The following CCS variants were observed in gnomAD, a reference collection of about 807,000 sequenced individuals.
CCS encodes the protein superoxide dismutase copper chaperone.
Under a neutral mutation model 35.5 loss-of-function variants are expected in CCS, and 32 were observed. The ratio of observed to expected loss-of-function variants is 0.90; its 90% CI spans 0.68 to 1.21. The LOEUF (loss-of-function observed/expected upper bound fraction) is 1.21, where lower values mean the gene tolerates loss of function less well. Ranked by LOEUF, CCS falls within the 50% of genes most tolerant of loss-of-function variation. The pLI is 0.00. For synonymous variants in CCS, 130 were observed against 147.2 expected (o/e 0.88, Z 0.84); for missense variants, 342 against 375.4 (o/e 0.91, Z 0.73).
intron 5 of CCS, among the ~76,000 whole-genome samples, chr11:66,603,710 G>A (rs746273761): frequency 4.6e-5 from 7 of 152,208 alleles, no homozygotes; most frequent in Non-Finnish European, 8.8e-5. Context: ...GCCAGGCGTG[G>A]TGGCGGGCGC....
Position 66,605,962 on chromosome 11 carries a change from A to C in CCS, c.*107A>C. 5 of 1,200,526 alleles carry C rather than the reference A, an allele frequency of 4.2e-6. No homozygotes were observed. The highest frequency in any genetic ancestry group is 5.5e-6 in the Non-Finnish European group (5 of 904,754). 74.4% of individuals were successfully genotyped at this position (1,200,526 alleles called of 1,614,324 possible). ...GCCCAGTCTTTGGAGAGCTCAGTAC[A>C]GGGCAGGAGCTGCTGTGGTGTTCCC... On this transcript the variant is annotated 3_prime_UTR_variant, in exon 8 of 8. Coordinates refer to ENST00000533244, the MANE Select transcript of CCS (RefSeq NM_005125.2).
chr11:66,595,774 T>G (rs1858467380), intron 2 of CCS, among the ~76,000 whole-genome samples: 1 of 152,160 alleles, frequency 6.6e-6, no homozygotes, highest in Non-Finnish European at 1.5e-5. Context: ...ACTGAATGGC[T>G]GCTTGGCTAA....
chr11:66,599,087 G>C (rs1429169475), intron 2 of CCS, 29 bp from the exon 3 acceptor site: 2 of 1,614,006 alleles, frequency 1.2e-6, no homozygotes, highest in South Asian at 2.2e-5. Flanking sequence ...GCCAGCCTCT[G>C]TTGCCCTCTT....
chr11:66,605,381 C>T lies in CCS; in HGVS notation c.532C>T (p.Arg178Cys), dbSNP rs140863701. ...CAATGTCCGTGCTGATGCTGACGGC[C>T]GCGCCATCTTCAGAATGGAGGATGA... ...LGNVRADADGRAIFRMEDEQL... is the reference protein window; with the variant it reads ...LGNVRADADGCAIFRMEDEQL... The change falls in exon 6 of 8, where the codon CGC (arginine) becomes TGC (cysteine). Residue 178 changes from arginine (R) to cysteine (C), a missense_variant. Transcript: ENST00000533244. The T allele has an allele frequency of 1.9e-5, 31 of 1,614,028 alleles. No homozygotes were observed. Among genetic ancestry groups the T allele is most frequent in the African/African-American group, 4.0e-5 (3 of 74,912 alleles).
chr11:66,599,882 G>C, intron 4 of CCS: 1 of 407,232 alleles, frequency 2.5e-6, no homozygotes, highest in Non-Finnish European at 4.4e-6. Context: ...TTGGGAGGCT[G>C]AGGTGGGCGG....
chr11:66,599,271 C>A lies in CCS; in HGVS notation c.250+18C>A. 6.3e-7 allele frequency: 1 copy of A among 1,575,654 alleles called. No homozygotes were observed. The highest frequency in any genetic ancestry group is 1.2e-5 in the South Asian group (1 of 86,494). ...CCAGTTGCGTGAGTGACCACTGTGG[C>A]CTTGGCCCCTCTCGGAGGGAGGTGG... On this transcript the variant is annotated intron_variant, in intron 3 of 7. Transcript: ENST00000533244.
At chr11:66,604,282 TC>T (rs1177459201) in intron 5 of CCS, among the ~76,000 whole-genome samples, 1 of 151,928 alleles carries the variant, frequency 6.6e-6, no homozygotes, top group Non-Finnish European at 1.5e-5. Flanking sequence ...CTGTATCCCC[TC>T]CCCCTTCTTG....
chr11:66,601,814 A>C (rs1590830718), intron 5 of CCS, among the ~76,000 whole-genome samples: 1 of 150,030 alleles, frequency 6.7e-6, no homozygotes. Flanking sequence ...GCTTGAGCAG[A>C]CCTCCCTCCT....
chr11:66,605,662 C>A, intron 7 of CCS, 40 bp from the exon 8 acceptor site: 1 of 1,578,582 alleles, frequency 6.3e-7, no homozygotes, highest in Non-Finnish European at 8.6e-7. Context: ...GGGGTGGGGG[C>A]CAAACAGGTA....
chr11:66,593,494 C>T, intron 1 of CCS, 148 bp from the exon 2 acceptor site: 2 of 959,260 alleles, frequency 2.1e-6, no homozygotes, highest in Non-Finnish European at 3.2e-6. Context: ...CTGGAATGGT[C>T]ATGAGAGATC....
At chr11:66,594,824 G>A (rs1309035037) in intron 2 of CCS, among the ~76,000 whole-genome samples, 1 of 151,936 alleles carries the variant, frequency 6.6e-6, no homozygotes, top group African/African-American at 2.4e-5. Context: ...GGCAGGTATG[G>A]ACCAGACACT....
chr11:66,596,581 C>T (rs573512225), intron 2 of CCS, among the ~76,000 whole-genome samples: 4 of 151,840 alleles, frequency 2.6e-5, no homozygotes, highest in Non-Finnish European at 5.9e-5. Context: ...GGGGTTTCAC[C>T]GTGTTAGCCA....
At chr11:66,595,379 G>C (rs74720222) in intron 2 of CCS, among the ~76,000 whole-genome samples, 2,172 of 152,222 alleles carry the variant, frequency 0.014, 57 homozygotes, top group African/African-American at 0.049. Flanking sequence ...ACTTGCTTGC[G>C]AGGAGAGCAG....
At chr11:66,602,883 G>A (rs1055885467) in intron 5 of CCS, among the ~76,000 whole-genome samples, 7 of 152,234 alleles carry the variant, frequency 4.6e-5, no homozygotes, top group Non-Finnish European at 1.0e-4. Context: ...AGTTGCTGTT[G>A]GGTTTTAGCA....
chr11:66,593,514 G>T, intron 1 of CCS, 128 bp from the exon 2 acceptor site: 1 of 1,035,552 alleles, frequency 9.7e-7, no homozygotes, highest in South Asian at 1.5e-5. Flanking sequence ...CATGAAGAAG[G>T]TGCTTGAAGA....
rs1333093133 is a variant in CCS, at chr11:66,593,201, C to G, written c.-61C>G. 1.2e-5 allele frequency: 18 copies of G among 1,535,920 alleles called. No homozygotes were observed. In the Admixed American group the frequency reaches 2.8e-4, roughly 24 times the overall value. On this transcript the variant is annotated 5_prime_UTR_variant, in exon 1 of 8. Transcript: ENST00000533244. ...TAGAGGCTCAGTCCCCGCGACGCCG[C>G]GCTGGTTGGTGCTCCTGCGCCGGAG...
Position 66,599,641 on chromosome 11 carries a change from G to A in CCS, c.428+5G>A, listed in dbSNP as rs1185039322. ...CCTTACAAACAACTGCAACAGGTGA[G>A]TTGTCTGAAGTCTCCCCAGTAGCAT... On this transcript the variant is annotated splice_donor_5th_base_variant and intron_variant, in intron 4 of 7. Transcript: ENST00000533244. 15 of 1,611,098 alleles carry A rather than the reference G, an allele frequency of 9.3e-6. No homozygotes were observed. Among genetic ancestry groups the A allele is most frequent in the Non-Finnish European group, 1.3e-5 (15 of 1,178,932 alleles).
rs1858411773 is a variant in CCS at position 66,593,233 on chromosome 11, T to G, written c.-29T>G. 6.4e-7 allele frequency: 1 copy of G among 1,556,950 alleles called. No homozygotes were observed. Among genetic ancestry groups the G allele is most frequent in the Non-Finnish European group, 8.7e-7 (1 of 1,150,588 alleles). On this transcript the variant is annotated 5_prime_UTR_variant, in exon 1 of 8. Transcript: ENST00000533244. ...TGGTGCTCCTGCGCCGGAGGAGTTC[T>G]GCGTCTCGGGGTGGTGACTGGGTCC...
chr11:66,604,278 C>A (rs990575243), intron 5 of CCS, among the ~76,000 whole-genome samples: 10 of 152,058 alleles, frequency 6.6e-5, no homozygotes, highest in African/African-American at 2.2e-4. Flanking sequence ...GGCTCTGTAT[C>A]CCCTCCCCCT....
Sources: gnomAD v4.1 joint callset for allele counts (sites outside exome capture counted in the v4.1 genomes callset) on GRCh38, gnomAD v4.1.1 for gene constraint, MANE v1.5 for transcripts, NCBI Gene and HGNC (gene_info 2026-07-23, HGNC 2026-07-21) for gene names.